Variants in POF1B observed in about 807,000 individuals in gnomAD.
POF1B encodes protein POF1B.
A neutral mutation model predicts 55.3 loss-of-function variants in POF1B; 53 were observed. The observed-to-expected ratio is 0.96, with a 90% CI of 0.77 to 1.20. POF1B has a LOEUF of 1.20. Among genes scored for constraint, POF1B ranks in the 50% most tolerant of loss-of-function variants. The probability of loss-of-function intolerance (pLI) is 0.00; values close to 1 mark genes in which losing one functional copy is unlikely to be tolerated. For missense variants in POF1B, 478 were observed against 420.5 expected, an observed-to-expected ratio of 1.14 and a Z score of -1.20; for synonymous variants, 188 against 148.3, an observed-to-expected ratio of 1.27 and a Z score of -1.95.
At chrX:85,337,482 A>T (rs1312754102) in intron 6 of POF1B, among the ~76,000 whole-genome samples, 2 of 111,270 alleles carry the variant, frequency 1.8e-5, no homozygotes, top group African/African-American at 6.5e-5. Flanking sequence ...TTTTTTTTGT[A>T]TGTAGCTAGT....
At chrX:85,301,578 A>C (rs2147901321) in intron 15 of POF1B, among the ~76,000 whole-genome samples, 1 of 111,746 alleles carries the variant, frequency 8.9e-6, no homozygotes, top group East Asian at 2.8e-4. Context: ...CATTTGAAGA[A>C]ATAAAGATCA....
intron 5 of POF1B, among the ~76,000 whole-genome samples, chrX:85,350,958 A>G (rs1933373017): frequency 8.9e-6 from 1 of 111,747 alleles, no homozygotes; most frequent in South Asian, 3.6e-4. Flanking sequence ...ATCTGTTCGT[A>G]TGTATTGTAC....
At chrX:85,348,540 G>T (rs774935514) in intron 5 of POF1B, among the ~76,000 whole-genome samples, 2 of 110,515 alleles carry the variant, frequency 1.8e-5, no homozygotes, top group East Asian at 2.9e-4. Context: ...CGGTAAACAG[G>T]TTCATCCAGA....
chrX:85,307,125 A>T, intron 11 of POF1B, 38 bp downstream of exon 11: 1 of 999,516 alleles, frequency 1.0e-6, no homozygotes, highest in South Asian at 2.1e-5. Context: ...ATGAAAAGCT[A>T]TCAATGTAGA....
chrX:85,372,307 G>T (rs1206087391), intron 2 of POF1B, among the ~76,000 whole-genome samples: 1 of 103,481 alleles, frequency 9.7e-6, no homozygotes, highest in Non-Finnish European at 2.0e-5. Context: ...TCGTGCCACT[G>T]TGCTCCAGGC....
rs758862317 is a variant in POF1B, at chrX:85,279,378, A to C, written c.*43T>G. ...TACTAATGCAGAGACACACACACAA[A>C]AAAAAAACGGCTTTGAGTTGTAATA... On this transcript the variant is annotated 3_prime_UTR_variant, in exon 17 of 17. Coordinates refer to ENST00000262753, the MANE Select transcript of POF1B (RefSeq NM_024921.4). 21 of 1,139,563 alleles carry C rather than the reference A, an allele frequency of 1.8e-5. No individual in the cohort carries two copies. The highest frequency in any genetic ancestry group is 9.4e-5 in the Admixed American group (4 of 42,755). 93.9% of individuals were successfully genotyped at this position (1,139,563 alleles called of 1,213,427 possible).
intron 13 of POF1B, among the ~76,000 whole-genome samples, chrX:85,305,312 A>T (rs1242877062): frequency 9.0e-6 from 1 of 111,142 alleles, no homozygotes; most frequent in African/African-American, 3.3e-5. Context: ...ACTTATAAAT[A>T]TCACCTTAAT....
intron 6 of POF1B, among the ~76,000 whole-genome samples, chrX:85,331,859 T>C (rs948311704): frequency 8.9e-6 from 1 of 111,810 alleles, no homozygotes; most frequent in African/African-American, 3.2e-5. Flanking sequence ...TATCTTTCTG[T>C]GCTCTGCTTA....
chrX:85,379,101 A>G, intron 2 of POF1B, 72 bp downstream of exon 2: 1 of 1,094,316 alleles, frequency 9.1e-7, no homozygotes, highest in Non-Finnish European at 1.2e-6. Context: ...GAGGCAAAGA[A>G]GCAGAAAGGA....
intron 6 of POF1B, among the ~76,000 whole-genome samples, chrX:85,344,940 A>C (rs1933242195): frequency 9.0e-6 from 1 of 111,553 alleles, no homozygotes; most frequent in African/African-American, 3.2e-5. Flanking sequence ...AGATTGAAAA[A>C]ACATGGATTT....
rs188627504 is a variant in POF1B, at chrX:85,343,137, A to T, written c.723+2723T>A. Among the ~76,000 whole-genome samples, 209 of 110,253 alleles carry T rather than the reference A, an allele frequency of 1.9e-3. 1 individual carries two copies. Among genetic ancestry groups the T allele is most frequent in the Non-Finnish European group, 3.3e-3 (173 of 52,563 alleles). Reference sequence around the variant, plus strand: ...AAACCATCATGGCACGTGTATACCTATATAAGCAAACCTGCACGTTCTGTA... The same window carrying T: ...AAACCATCATGGCACGTGTATACCTTTATAAGCAAACCTGCACGTTCTGTA... On this transcript the variant is annotated intron_variant, in intron 6 of 16. Transcript: ENST00000262753.
chrX:85,335,417 C>T (rs1286705046), intron 6 of POF1B, among the ~76,000 whole-genome samples: 1 of 111,360 alleles, frequency 9.0e-6, no homozygotes, highest in Non-Finnish European at 1.9e-5. Context: ...TGATTTGGAA[C>T]ATTTAATATC....
chrX:85,360,777 T>C (rs889554791), intron 3 of POF1B, among the ~76,000 whole-genome samples: 2 of 108,297 alleles, frequency 1.8e-5, no homozygotes, highest in African/African-American at 6.8e-5. Flanking sequence ...TTTTGGCCCT[T>C]TGAGGAATTG....
At chrX:85,344,467 T>G (rs2147933863) in intron 6 of POF1B, among the ~76,000 whole-genome samples, 1 of 111,391 alleles carries the variant, frequency 9.0e-6, no homozygotes, top group East Asian at 2.9e-4. Context: ...CTTTTATGAC[T>G]GAAAACACTT....
chrX:85,318,251 G>C (rs1472820118), intron 7 of POF1B, among the ~76,000 whole-genome samples: 2 of 111,422 alleles, frequency 1.8e-5, no homozygotes, highest in Admixed American at 1.9e-4. Context: ...GTAGATTCTG[G>C]ATATTAGACC....
At chrX:85,328,465 A>G (rs1932926664) in intron 7 of POF1B, among the ~76,000 whole-genome samples, 1 of 110,846 alleles carries the variant, frequency 9.0e-6, no homozygotes, top group African/African-American at 3.3e-5. Flanking sequence ...TGGCCTCCCA[A>G]AGTGCTGGGA....
chrX:85,336,598 G>T (rs762714374), intron 6 of POF1B, among the ~76,000 whole-genome samples: 1 of 111,096 alleles, frequency 9.0e-6, no homozygotes, highest in African/African-American at 3.3e-5. Flanking sequence ...TTTGCCATTT[G>T]TACACCTTCT....
At position 85,282,312 on chromosome X, in the gene POF1B, C is replaced by T. The variant is rs1217804788; in HGVS notation, c.1655G>A (p.Arg552Lys). 2 of 1,125,596 alleles carry T rather than the reference C, an allele frequency of 1.8e-6. No individual in the cohort carries two copies. The highest frequency in any genetic ancestry group is 1.9e-5 in the African/African-American group (1 of 53,485). 92.8% of individuals were successfully genotyped at this position (1,125,596 alleles called of 1,213,427 possible). The stretch of plus-strand genomic sequence containing the variant: ...GAGGCCTAGGATTGGATATTGTGTC[C>T]TGTACCTGTTGGCAAGAAAAGAGTT... ...GRTTITTKKY[R>K]TQYPILGLLY... Residue 552 changes from arginine to lysine, a missense_variant, in exon 16 of 17, where the codon AGG (arginine) becomes AAG (lysine). Transcript: ENST00000262753.
At chrX:85,309,788 T>C (rs1239774795) in intron 9 of POF1B, among the ~76,000 whole-genome samples, 1 of 111,830 alleles carries the variant, frequency 8.9e-6, no homozygotes, top group African/African-American at 3.3e-5. Context: ...TGCCCCCTTG[T>C]CAGGCTCTAG....
Sources: gnomAD v4.1 joint callset for allele counts (sites outside exome capture counted in the v4.1 genomes callset) on GRCh38, gnomAD v4.1.1 for gene constraint, MANE v1.5 for transcripts, NCBI Gene and HGNC (gene_info 2026-07-23, HGNC 2026-07-21) for gene names.